OLFML2A: variants seen among roughly 807,000 people sequenced by gnomAD.
OLFML2A encodes the protein olfactomedin like 2A, also known as olfactomedin-like protein 2A.
OLFML2A carries 47 observed loss-of-function variants against 60.9 expected under a neutral mutation model. That is an observed-to-expected ratio of 0.77 (90% confidence interval 0.61 to 0.98). OLFML2A has a LOEUF of 0.98. Ranked by LOEUF, OLFML2A falls within the 50% of genes least tolerant of loss-of-function variation. The pLI is 0.00. For missense variants in OLFML2A, 922 were observed against 879.8 expected (o/e 1.05, Z -0.61); for synonymous variants, 372 against 375.0 (o/e 0.99, Z 0.09).
rs181879570 is a variant in OLFML2A at position 124,787,318 on chromosome 9, C to T, written c.354+80C>T. 960 of 1,402,986 alleles carry T rather than the reference C, an allele frequency of 6.8e-4. 8 individuals are homozygous for T. The African/African-American group carries it at 0.012, about 17-fold the overall frequency. The allele number at this position is 1,402,986 out of a possible 1,614,324, so 86.9% of individuals were successfully genotyped here. A position where few individuals can be genotyped will look rare whatever the true frequency, so the allele number is the denominator to read the frequency against. On this transcript the variant is annotated intron_variant, in intron 2 of 7. Transcript: ENST00000373580. ...CTGTCCTGCCAGTGAAAATTCCACA[C>T]ACTCTGTGAGGCGAGTGGTGTTACT...
At chr9:124,796,686 A>G (rs1045692198) in intron 3 of OLFML2A, among the ~76,000 whole-genome samples, 2 of 152,160 alleles carry the variant, frequency 1.3e-5, no homozygotes, top group African/African-American at 4.8e-5. Context: ...CTCCCGGGGG[A>G]TAAGCAGCAA....
rs2131236290 is a variant in OLFML2A at position 124,779,603 on chromosome 9, C to T, written c.90+2243C>T. The stretch of plus-strand genomic sequence containing the variant: ...AGCTGGGGCTGGTGGGGTGGAGAGG[C>T]ACAACCTAGAGCTTGCAGGATGAAC... On this transcript the variant is annotated intron_variant, in intron 1 of 7. Transcript: ENST00000373580. This position sits in a 1 kb window ranked among gnomAD's most constrained non-coding sequence, Gnocchi z 4.1. 6.6e-6 allele frequency among the ~76,000 whole-genome samples: 1 copy of T among 151,948 alleles called. No individual in the cohort carries two copies. Among genetic ancestry groups the T allele is most frequent in the Middle Eastern group, 3.4e-3 (1 of 294 alleles).
intron 3 of OLFML2A, among the ~76,000 whole-genome samples, chr9:124,795,665 C>T (rs1202802342): frequency 6.6e-6 from 1 of 152,210 alleles, no homozygotes; most frequent in Non-Finnish European, 1.5e-5. Context: ...ATCCCAGCTA[C>T]TCAGTAGGCT....
At chr9:124,808,023 C>G in intron 7 of OLFML2A, 57 bp downstream of exon 7, 2 of 1,356,290 alleles carry the variant, frequency 1.5e-6, no homozygotes, top group Non-Finnish European at 2.1e-6. Context: ...GGGGAGGGGT[C>G]CTCATGGGGA....
At chr9:124,790,488 T>C (rs1841550605) in intron 2 of OLFML2A, among the ~76,000 whole-genome samples, 1 of 152,136 alleles carries the variant, frequency 6.6e-6, no homozygotes. Context: ...ACCCAGGAAT[T>C]CTCTACTTTG....
In OLFML2A at chr9:124,809,805, C is replaced by A; in HGVS notation, c.1355-3C>A. ...CTGGGGTGACCATCGCCCTCGCCTG[C>A]AGGCCGCTGGAGTAACATGTACAAG... On this transcript the variant is annotated splice_region_variant and splice_polypyrimidine_tract_variant and intron_variant, in intron 7 of 7. Transcript: ENST00000373580. The A allele has an allele frequency of 6.3e-7, 1 of 1,591,696 alleles. No homozygotes were observed. The highest frequency in any genetic ancestry group is 8.6e-7 in the Non-Finnish European group (1 of 1,166,388).
intron 5 of OLFML2A, among the ~76,000 whole-genome samples, chr9:124,803,326 G>A (rs1841818271): frequency 6.6e-6 from 1 of 151,982 alleles, no homozygotes; most frequent in Non-Finnish European, 1.5e-5. Flanking sequence ...GTAGTGGCAC[G>A]ATCATGGCTC....
chr9:124,806,228 G>T (rs544689904), intron 6 of OLFML2A, among the ~76,000 whole-genome samples: 103 of 152,038 alleles, frequency 6.8e-4, no homozygotes, highest in African/African-American at 2.4e-3. Flanking sequence ...TTAAATTTTT[G>T]TACTGACAAA....
chr9:124,800,790 A>G (rs183598919), intron 4 of OLFML2A: 106 of 1,296,568 alleles, frequency 8.2e-5, no homozygotes, highest in Non-Finnish European at 2.0e-6. Flanking sequence ...GTGATGTCAC[A>G]GGCCCTGTGT....
intron 7 of OLFML2A, among the ~76,000 whole-genome samples, chr9:124,809,138 G>A (rs1841954377): frequency 6.6e-6 from 1 of 152,106 alleles, no homozygotes; most frequent in Non-Finnish European, 1.5e-5. Flanking sequence ...CTGCACTCCA[G>A]CCTGGATGAC....
Position 124,799,268 on chromosome 9 carries a change from T to TCCTG in OLFML2A, c.463-14_463-11dup, listed in dbSNP as rs1841724179. On this transcript the variant is annotated splice_polypyrimidine_tract_variant and intron_variant, in intron 3 of 7. Coordinates refer to ENST00000373580, the MANE Select transcript of OLFML2A (RefSeq NM_182487.4). The stretch of plus-strand genomic sequence containing the variant: ...AAGCTGGCCCAGGAAAGACCTCCAA[T>TCCTG]CCTGCCCCCTCCGCAGAGCATCAAG... 1.3e-6 allele frequency: 2 copies of TCCTG among 1,576,410 alleles called. No homozygotes were observed. Among genetic ancestry groups the TCCTG allele is most frequent in the Admixed American group, 1.7e-5 (1 of 59,780 alleles).
At chr9:124,808,677 G>C (rs1330883558) in intron 7 of OLFML2A, among the ~76,000 whole-genome samples, 1 of 152,134 alleles carries the variant, frequency 6.6e-6, no homozygotes, top group Non-Finnish European at 1.5e-5. Flanking sequence ...GTAGGAGTAA[G>C]CCATGCGGAA....
In OLFML2A at chr9:124,804,079, G is replaced by A; in HGVS notation, c.920-15G>A. The A allele has an allele frequency of 3.1e-6, 5 of 1,613,198 alleles. No individual in the cohort carries two copies. Among genetic ancestry groups the A allele is most frequent in the East Asian group, 2.2e-5 (1 of 44,888 alleles). ...GTGGTGCTGAGATTTGAGCACAGGGGTCTTCTCTCTGCAGACAACACCCTC... is the reference window on the plus strand; with the variant it reads ...GTGGTGCTGAGATTTGAGCACAGGGATCTTCTCTCTGCAGACAACACCCTC... On this transcript the variant is annotated splice_polypyrimidine_tract_variant and intron_variant, in intron 5 of 7. Coordinates refer to ENST00000373580, the MANE Select transcript of OLFML2A (RefSeq NM_182487.4).
intron 5 of OLFML2A, among the ~76,000 whole-genome samples, chr9:124,802,642 G>A (rs1379389109): frequency 2.6e-5 from 4 of 152,232 alleles, no homozygotes; most frequent in African/African-American, 9.6e-5. Context: ...AGGCCTGTGG[G>A]AACAGGCACC....
intron 3 of OLFML2A, among the ~76,000 whole-genome samples, chr9:124,796,095 G>A (rs752680878): frequency 3.9e-5 from 6 of 152,248 alleles, no homozygotes; most frequent in Admixed American, 2.0e-4. Flanking sequence ...AGGAGCGGGC[G>A]TGGGGGCTTC....
chr9:124,792,962 C>G (rs1357482638), intron 2 of OLFML2A, among the ~76,000 whole-genome samples: 1 of 152,262 alleles, frequency 6.6e-6, no homozygotes, highest in Non-Finnish European at 1.5e-5. Context: ...AGCAGAGAAG[C>G]CACTGAGCCT....
At chr9:124,789,727 T>A (rs1395852891) in intron 2 of OLFML2A, among the ~76,000 whole-genome samples, 2 of 152,230 alleles carry the variant, frequency 1.3e-5, no homozygotes, top group Admixed American at 6.5e-5. Flanking sequence ...AAAAATGTTT[T>A]CTTTAAATTC....
chr9:124,788,432 C>T, intron 2 of OLFML2A, among the ~76,000 whole-genome samples: 1 of 151,984 alleles, frequency 6.6e-6, no homozygotes, highest in Non-Finnish European at 1.5e-5. Context: ...GTGGTGAAAC[C>T]CTGTCTCTAC....
At position 124,801,059 on chromosome 9, in the gene OLFML2A, A is replaced by C. The variant is rs1179997155; in HGVS notation, c.670-355A>C. The C allele has an allele frequency of 2.6e-6, 4 of 1,551,482 alleles. No individual in the cohort carries two copies. The East Asian group carries it at 9.8e-5, about 38-fold the overall frequency. On this transcript the variant is annotated intron_variant, in intron 4 of 7. Coordinates refer to ENST00000373580, the MANE Select transcript of OLFML2A (RefSeq NM_182487.4). ...ACGTACTAAGACCAATGAGTAAGAG[A>C]GACAAGGCTGGGAAGGTGAGCAGGT...
Sources: gnomAD v4.1 joint callset for allele counts (sites outside exome capture counted in the v4.1 genomes callset) on GRCh38, gnomAD v4.1.1 for gene constraint, Gnocchi (gnomAD v3.1) non-coding constraint, MANE v1.5 for transcripts, NCBI Gene and HGNC (gene_info 2026-07-23, HGNC 2026-07-21) for gene names.